CASK: variants seen among roughly 807,000 people sequenced by gnomAD.
CASK encodes calcium/calmodulin dependent serine protein kinase, also known as peripheral plasma membrane protein CASK.
CASK carries 4 observed loss-of-function variants against 82.9 expected under a neutral mutation model. That is an observed-to-expected ratio of 0.05 (90% CI 0.02 to 0.11). The LOEUF (loss-of-function observed/expected upper bound fraction) is 0.11. Ranked by LOEUF, CASK falls within the 10% of genes least tolerant of loss-of-function variation. The pLI is 1.00. For synonymous variants in CASK, 259 were observed against 253.5 expected (o/e 1.02, Z -0.20); for missense variants, 358 against 720.9 (o/e 0.50, Z 5.76).
At chrX:41,768,000 CT>C (rs1442353519) in intron 3 of CASK, among the ~76,000 whole-genome samples, 1 of 111,804 alleles carries the variant, frequency 8.9e-6, no homozygotes, top group East Asian at 2.8e-4. Context: ...TGGAATTCTT[CT>C]TTTTTTCTCT....
intron 5 of CASK, among the ~76,000 whole-genome samples, chrX:41,676,812 G>A (rs890731339): frequency 8.9e-6 from 1 of 112,724 alleles, no homozygotes; most frequent in Admixed American, 9.3e-5. Context: ...AGTGACAGAA[G>A]CAGAGATGAT....
intron 5 of CASK, chrX:41,729,781 AATAT>A (rs55635208): frequency 0.018 from 678 of 38,698 alleles, 19 homozygotes; most frequent in African/African-American, 0.049. Context: ...AAAAAAAAAA[AATAT>A]ATATATATAT....
intron 1 of CASK, among the ~76,000 whole-genome samples, chrX:41,922,213 A>G (rs933179468): frequency 6.2e-5 from 7 of 112,030 alleles, no homozygotes; most frequent in African/African-American, 2.3e-4. Context: ...ACACAGATGA[A>G]AGGATGAGCA....
chrX:41,922,842 G>T, intron 1 of CASK, 88 bp downstream of exon 1: 1 of 822,449 alleles, frequency 1.2e-6, no homozygotes, highest in East Asian at 3.2e-5. Flanking sequence ...AGGGAGGGCA[G>T]GGGGCAGGCC....
chrX:41,794,418 A>G (rs140777338), intron 2 of CASK, among the ~76,000 whole-genome samples: 3,191 of 112,305 alleles, frequency 0.028, 46 homozygotes, highest in South Asian at 0.071. Context: ...TAGAAATACA[A>G]TGCTCTAAGT....
At chrX:41,527,842 T>C (rs751782206) in intron 25 of CASK, among the ~76,000 whole-genome samples, 2 of 112,714 alleles carry the variant, frequency 1.8e-5, no homozygotes, top group Non-Finnish European at 3.7e-5. Context: ...ACTGGGGCTA[T>C]TACAGTTTCA....
At chrX:41,708,437 C>G (rs912124282) in intron 5 of CASK, among the ~76,000 whole-genome samples, 1 of 112,078 alleles carries the variant, frequency 8.9e-6, no homozygotes, top group South Asian at 3.7e-4. Flanking sequence ...ACTAGGATAA[C>G]TGTAGTTGTG....
intron 16 of CASK, chrX:41,562,203 AC>A: frequency 8.8e-6 from 1 of 114,049 alleles, no homozygotes; most frequent in Non-Finnish European, 1.9e-5. Context: ...AAGAGTTGTG[AC>A]ATGATAATAT....
chrX:41,517,767 C>CAGT lies in CASK; in HGVS notation c.*2650_*2652dup. 1 of 741,477 alleles carries CAGT rather than the reference C, an allele frequency of 1.3e-6. No homozygotes were observed. The highest frequency in any genetic ancestry group is 2.4e-5 in the African/African-American group (1 of 42,442). 61.1% of individuals were successfully genotyped at this position (741,477 alleles called of 1,213,427 possible). A position where few individuals can be genotyped will look rare whatever the true frequency, so the allele number is the denominator to read the frequency against. On this transcript the variant is annotated 3_prime_UTR_variant, in exon 27 of 27. Transcript: ENST00000378163. ...TGCTTAGTGGACAATTGTAATGTAG[C>CAGT]AGTAGCAGCAGCAGCAGCAGCAGCA...
At chrX:41,729,166 T>C (rs150788496) in intron 5 of CASK, 2 of 123,551 alleles carry the variant, frequency 1.6e-5, no homozygotes, top group African/African-American at 6.5e-5. Flanking sequence ...GTTATACTTC[T>C]TGGGTTCAAT....
chrX:41,579,345 C>T (rs914873190), intron 14 of CASK, among the ~76,000 whole-genome samples: 3 of 111,833 alleles, frequency 2.7e-5, no homozygotes, highest in Middle Eastern at 4.7e-3. Flanking sequence ...TTTTTTGGAG[C>T]ACTTGTTTAA....
chrX:41,565,163 C>T (rs2065292335), intron 16 of CASK, among the ~76,000 whole-genome samples: 1 of 111,465 alleles, frequency 9.0e-6, no homozygotes, highest in South Asian at 3.7e-4. Context: ...CCTAGCATCA[C>T]GATTAAAAGA....
At chrX:41,696,254 C>T in intron 5 of CASK, 5 of 1,203,493 alleles carry the variant, frequency 4.2e-6, no homozygotes, top group Non-Finnish European at 5.6e-6. Flanking sequence ...GTTTCCATTA[C>T]AGAGATAAGC....
At chrX:41,854,512 A>G (rs2071336557) in intron 1 of CASK, among the ~76,000 whole-genome samples, 1 of 112,673 alleles carries the variant, frequency 8.9e-6, no homozygotes, top group South Asian at 3.6e-4. Flanking sequence ...TTCGCTTATT[A>G]CAGGTACAAA....
intron 2 of CASK, among the ~76,000 whole-genome samples, chrX:41,816,906 T>C (rs896739409): frequency 4.5e-5 from 5 of 110,271 alleles, no homozygotes; most frequent in Admixed American, 3.9e-4. Flanking sequence ...CTACCAAACA[T>C]GAAGAAATAA....
At chrX:41,752,918 C>T (rs1014675974) in intron 3 of CASK, among the ~76,000 whole-genome samples, 1 of 111,840 alleles carries the variant, frequency 8.9e-6, no homozygotes, top group Admixed American at 9.5e-5. Flanking sequence ...CAATTATTTC[C>T]TTCCAAGGGA....
At chrX:41,550,561 T>C (rs1435925898) in intron 21 of CASK, among the ~76,000 whole-genome samples, 2 of 110,731 alleles carry the variant, frequency 1.8e-5, no homozygotes, top group African/African-American at 6.6e-5. Context: ...TTAACATTTT[T>C]TTTCTGCTCT....
chrX:41,868,622 T>G lies in CASK; in HGVS notation c.60-15395A>C, dbSNP rs191515072. On this transcript the variant is annotated intron_variant, in intron 1 of 26. Coordinates refer to ENST00000378163, the MANE Select transcript of CASK (RefSeq NM_001367721.1). Reference sequence around the variant, plus strand: ...ATAAACAGAGCAAGGGCTTGATAGCTCAAAAGACCTGGGGCTGCATCCTGG... The same window carrying G: ...ATAAACAGAGCAAGGGCTTGATAGCGCAAAAGACCTGGGGCTGCATCCTGG... Among the ~76,000 whole-genome samples, 967 of 111,458 alleles carry G rather than the reference T, an allele frequency of 8.7e-3. 14 individuals carry two copies. The highest frequency in any genetic ancestry group is 0.03 in the African/African-American group (931 of 30,640).
chrX:41,868,838 T>G (rs910810713), intron 1 of CASK, among the ~76,000 whole-genome samples: 3 of 111,555 alleles, frequency 2.7e-5, no homozygotes, highest in Non-Finnish European at 5.7e-5. Context: ...GGGGCTCATC[T>G]GCTATTGTAC....
Sources: allele counts gnomAD v4.1 joint callset (sites outside exome capture counted in the v4.1 genomes callset), GRCh38; gene constraint gnomAD v4.1.1; transcripts MANE v1.5; gene names NCBI Gene and HGNC (gene_info 2026-07-23, HGNC 2026-07-21).